PPP1R17: variants seen among roughly 807,000 people sequenced by gnomAD.
PPP1R17 encodes G-substrate.
In PPP1R17, 12 loss-of-function variants were observed where a neutral mutation model predicts 15.9. That is an observed-to-expected ratio of 0.75 (90% CI 0.48 to 1.22). The LOEUF is 1.22. Ranked by LOEUF, PPP1R17 falls within the 50% of genes most tolerant of loss-of-function variation. The probability of loss-of-function intolerance (pLI) is 0.00; values close to 1 mark genes in which losing one functional copy is unlikely to be tolerated. For synonymous variants in PPP1R17, 63 were observed against 64.5 expected (o/e 0.98, Z 0.11); for missense variants, 211 against 187.3 (o/e 1.13, Z -0.74).
intron 1 of PPP1R17, among the ~76,000 whole-genome samples, chr7:31,689,614 C>T (rs1318966940): frequency 6.6e-6 from 1 of 152,082 alleles, no homozygotes; most frequent in African/African-American, 2.4e-5. Context: ...TAAAGAGCGC[C>T]CCTTCTCACT....
rs1792541396 is a variant in PPP1R17 at position 31,695,535 on chromosome 7, T to A, written c.149T>A (p.Val50Glu). Residue 50 changes from valine (V) to glutamate (E), a missense_variant, in exon 3 of 5, where the codon GTA becomes GAA. Val to Glu is a moderately radical substitution (Grantham distance 121, BLOSUM62 -2). Coordinates refer to ENST00000342032, the MANE Select transcript of PPP1R17 (RefSeq NM_006658.5). ...AAGAAGCCTAGAAAGGGAAAAAATG[T>A]ACAGGCCACCCTGAATGTTGAGTCA... ...LKKKPRKGKN[V>E]QATLNVESDQ... 6 of 1,613,864 alleles carry A rather than the reference T, an allele frequency of 3.7e-6. No homozygotes were observed. The East Asian group carries it at 1.3e-4, about 36-fold the overall frequency.
At chr7:31,702,848 C>T (rs1265876950) in intron 4 of PPP1R17, among the ~76,000 whole-genome samples, 1 of 152,154 alleles carries the variant, frequency 6.6e-6, no homozygotes, top group Non-Finnish European at 1.5e-5. Flanking sequence ...CTGATGGAGA[C>T]TGATTATTTT....
chr7:31,688,401 T>A (rs1012362519), intron 1 of PPP1R17, among the ~76,000 whole-genome samples: 2 of 152,200 alleles, frequency 1.3e-5, no homozygotes, highest in Non-Finnish European at 2.9e-5. Context: ...TATTCTCACA[T>A]CCAACTGAGA....
chr7:31,701,964 T>C (rs997543051), intron 4 of PPP1R17, among the ~76,000 whole-genome samples: 7 of 152,236 alleles, frequency 4.6e-5, no homozygotes, highest in African/African-American at 1.7e-4. Flanking sequence ...ACTTGCTTTA[T>C]TGCAGTGATC....
chr7:31,693,164 A>G (rs917087646), intron 2 of PPP1R17, among the ~76,000 whole-genome samples: 4 of 152,044 alleles, frequency 2.6e-5, no homozygotes, highest in African/African-American at 9.7e-5. Context: ...CCCATTTGCC[A>G]TCAAGATATT....
At chr7:31,690,193 G>C (rs778146916) in intron 1 of PPP1R17, among the ~76,000 whole-genome samples, 31 of 152,212 alleles carry the variant, frequency 2.0e-4, no homozygotes, top group Non-Finnish European at 8.8e-5. Flanking sequence ...TTGCTTTTTA[G>C]AATCTTTTCA....
rs141215798 is a variant in PPP1R17 at position 31,696,996 on chromosome 7, C to G, written c.267C>G (p.Tyr89Ter). Residue 89 changes from tyrosine to a stop codon, truncating the protein, a stop_gained, in exon 4 of 5, where the codon TAC becomes TAG. Transcript: ENST00000342032. LOFTEE classifies it high-confidence loss of function. Reference sequence around the variant, plus strand: ...TTTCAGAACATTTAATTAAAAGATACGATGTTCAAGAGAGACATCCAAAGG... The same window carrying G: ...TTTCAGAACATTTAATTAAAAGATAGGATGTTCAAGAGAGACATCCAAAGG... ...GVFSEHLIKR[Y>*]DVQERHPKGK... 6.2e-7 allele frequency: 1 copy of G among 1,613,916 alleles called. No individual in the cohort carries two copies. Among genetic ancestry groups the G allele is most frequent in the Non-Finnish European group, 8.5e-7 (1 of 1,179,918 alleles).
chr7:31,699,376 A>G (rs1792746989), intron 4 of PPP1R17, among the ~76,000 whole-genome samples: 1 of 152,176 alleles, frequency 6.6e-6, no homozygotes, highest in Non-Finnish European at 1.5e-5. Context: ...TCTCCCGTGA[A>G]AGGGCCTTCA....
chr7:31,707,571 G>A lies in PPP1R17; in HGVS notation c.*288G>A, dbSNP rs2072410. The A allele has an allele frequency of 0.071, 24,056 of 338,500 alleles. 1,036 individuals are homozygous for A. Among genetic ancestry groups the A allele is most frequent in the Non-Finnish European group, 0.088 (16,308 of 185,688 alleles). The allele number at this position is 338,500 out of a possible 1,614,324, so 21.0% of individuals were successfully genotyped here. A position where few individuals can be genotyped will look rare whatever the true frequency, so the allele number is the denominator to read the frequency against. Reference sequence around the variant, plus strand: ...GGTAACAGGGAAAGCACTGGGGTTCGGTTTCTGCATCTTCTGGATCAATTC... The same window carrying A: ...GGTAACAGGGAAAGCACTGGGGTTCAGTTTCTGCATCTTCTGGATCAATTC... On this transcript the variant is annotated 3_prime_UTR_variant, in exon 5 of 5. Transcript: ENST00000342032.
intron 4 of PPP1R17, among the ~76,000 whole-genome samples, chr7:31,700,418 A>G (rs1792795347): frequency 6.6e-6 from 1 of 152,196 alleles, no homozygotes; most frequent in Admixed American, 6.5e-5. Context: ...GCTAGCAGAG[A>G]AGAAAAGTTG....
chr7:31,701,239 G>A (rs1336889378), intron 4 of PPP1R17, among the ~76,000 whole-genome samples: 1 of 152,190 alleles, frequency 6.6e-6, no homozygotes, highest in Non-Finnish European at 1.5e-5. Flanking sequence ...AAAATAGCAG[G>A]AGTTTGGAAG....
At position 31,695,606 on chromosome 7, in the gene PPP1R17, C is replaced by G; in HGVS notation, c.220C>G (p.Pro74Ala). Reference protein sequence around the residue: ...RRKDTPALHIPPFIPGVFSEH... With the variant: ...RRKDTPALHIAPFIPGVFSEH... ...GAAAGATACACCGGCGCTGCACATCCCACCTTTCATACCAGGTAATGGACA... is the reference window on the plus strand; with the variant it reads ...GAAAGATACACCGGCGCTGCACATCGCACCTTTCATACCAGGTAATGGACA... Residue 74 changes from proline to alanine, a missense_variant, in exon 3 of 5, where the codon CCA becomes GCA. By Grantham distance (27) the Pro-to-Ala change is conservative. Transcript: ENST00000342032. The G allele has an allele frequency of 6.2e-7, 1 of 1,612,780 alleles. No individual in the cohort carries two copies. The highest frequency in any genetic ancestry group is 8.5e-7 in the Non-Finnish European group (1 of 1,179,548).
chr7:31,696,078 G>C (rs1232538100), intron 3 of PPP1R17: 1 of 152,744 alleles, frequency 6.5e-6, no homozygotes. Flanking sequence ...CAGACAATGA[G>C]GTAAGCTGGG....
In PPP1R17 at chr7:31,692,400, C is replaced by T. The variant is rs1472059430; in HGVS notation, c.-36-6C>T. 6.8e-7 allele frequency: 1 copy of T among 1,471,220 alleles called. No homozygotes were observed. The highest frequency in any genetic ancestry group is 1.1e-5 in the South Asian group (1 of 86,978). 91.1% of individuals were successfully genotyped at this position (1,471,220 alleles called of 1,614,324 possible). On this transcript the variant is annotated splice_region_variant and splice_polypyrimidine_tract_variant and intron_variant, in intron 1 of 4. Coordinates refer to ENST00000342032, the MANE Select transcript of PPP1R17 (RefSeq NM_006658.5). ...TACTTATTAACTGTTTTTTATACTT[C>T]CTTAGTGCTGGAGAAGAAATACATC...
At chr7:31,706,562 C>T (rs1167176457) in intron 4 of PPP1R17, among the ~76,000 whole-genome samples, 1 of 152,190 alleles carries the variant, frequency 6.6e-6, no homozygotes, top group African/African-American at 2.4e-5. Flanking sequence ...TGAACGTCAT[C>T]ACCTCCTGGT....
chr7:31,689,799 G>C (rs1384300332), intron 1 of PPP1R17, among the ~76,000 whole-genome samples: 2 of 152,108 alleles, frequency 1.3e-5, no homozygotes, highest in African/African-American at 2.4e-5. Flanking sequence ...CATGATAAAA[G>C]TATCTTCTAA....
chr7:31,703,212 T>C (rs1281689178), intron 4 of PPP1R17, among the ~76,000 whole-genome samples: 1 of 152,210 alleles, frequency 6.6e-6, no homozygotes, highest in Non-Finnish European at 1.5e-5. Context: ...CTCTGTTCAA[T>C]CTTATATTCT....
intron 4 of PPP1R17, among the ~76,000 whole-genome samples, chr7:31,704,206 G>A (rs1055966008): frequency 6.6e-6 from 1 of 152,208 alleles, no homozygotes; most frequent in Non-Finnish European, 1.5e-5. Flanking sequence ...GATGTCCATT[G>A]AAAGTGACAC....
chr7:31,687,952 A>G (rs557563097), intron 1 of PPP1R17, among the ~76,000 whole-genome samples: 1 of 152,296 alleles, frequency 6.6e-6, no homozygotes, highest in Non-Finnish European at 1.5e-5. Context: ...AATCAGTTCT[A>G]TTATGTTCCC....
Sources: gnomAD v4.1 joint callset for allele counts (sites outside exome capture counted in the v4.1 genomes callset) on GRCh38, gnomAD v4.1.1 for gene constraint, MANE v1.5 for transcripts, NCBI Gene and HGNC (gene_info 2026-07-23, HGNC 2026-07-21) for gene names.